Variants in ROBO1 observed in about 807,000 individuals in gnomAD.
ROBO1 encodes the protein roundabout homolog 1.
ROBO1 carries 149 observed loss-of-function variants against 195.9 expected under a neutral mutation model. The observed-to-expected ratio is 0.76, with a 90% CI of 0.67 to 0.87. The LOEUF is 0.87. ROBO1 is among the 40% of genes least tolerant of loss of function. ROBO1 has a pLI of 0.00. For missense variants in ROBO1, 1,933 were observed against 2,068.3 expected (o/e 0.93, Z 1.27); for synonymous variants, 816 against 733.2 (o/e 1.11, Z -1.82).
intron 2 of ROBO1, among the ~76,000 whole-genome samples, chr3:79,357,053 C>A (rs556231077): frequency 1.3e-5 from 2 of 152,262 alleles, no homozygotes; most frequent in East Asian, 1.9e-4. Flanking sequence ...TTTCTAGAAT[C>A]ATTACATTTA....
chr3:79,101,381 C>T (rs533460629), intron 3 of ROBO1, among the ~76,000 whole-genome samples: 1 of 151,738 alleles, frequency 6.6e-6, no homozygotes, highest in Non-Finnish European at 1.5e-5. Flanking sequence ...TCACTGTAAA[C>T]AAAATTTTAC....
At chr3:79,284,366 G>T (rs115903747) in intron 2 of ROBO1, among the ~76,000 whole-genome samples, 58 of 152,092 alleles carry the variant, frequency 3.8e-4, no homozygotes, top group African/African-American at 1.3e-3. Flanking sequence ...TAATTATAAA[G>T]AAACTATTCT....
chr3:78,989,077 G>A (rs1457562163), intron 3 of ROBO1, among the ~76,000 whole-genome samples: 1 of 152,060 alleles, frequency 6.6e-6, no homozygotes, highest in Non-Finnish European at 1.5e-5. Flanking sequence ...AATAAGTTCT[G>A]GCATTCTATA....
chr3:78,655,915 G>A (rs115409927), intron 18 of ROBO1, among the ~76,000 whole-genome samples: 3,132 of 152,232 alleles, frequency 0.021, 98 homozygotes, highest in African/African-American at 0.069. Flanking sequence ...ACATAAAGGT[G>A]CTATATGCTT....
chr3:79,046,925 T>A (rs887851676), intron 3 of ROBO1, among the ~76,000 whole-genome samples: 8 of 152,134 alleles, frequency 5.3e-5, no homozygotes, highest in Non-Finnish European at 1.2e-4. Flanking sequence ...ATTATTGAAT[T>A]ATTGAGATTA....
chr3:78,892,140 G>A (rs1423798553), intron 4 of ROBO1, among the ~76,000 whole-genome samples: 2 of 152,126 alleles, frequency 1.3e-5, no homozygotes, highest in African/African-American at 2.4e-5. Flanking sequence ...CAGGCAGATC[G>A]CTTGAGCTCA....
chr3:79,391,430 T>C (rs758116795), intron 2 of ROBO1, among the ~76,000 whole-genome samples: 1 of 152,134 alleles, frequency 6.6e-6, no homozygotes, highest in Non-Finnish European at 1.5e-5. Flanking sequence ...TGTACTCTAA[T>C]AAATAGTACA....
At chr3:79,148,737 A>T (rs1482904908) in intron 2 of ROBO1, among the ~76,000 whole-genome samples, 2 of 151,918 alleles carry the variant, frequency 1.3e-5, no homozygotes, top group Non-Finnish European at 2.9e-5. Flanking sequence ...TGAGACCTCA[A>T]AATCAATTCT....
intron 8 of ROBO1, among the ~76,000 whole-genome samples, chr3:78,704,760 T>C (rs1575976358): frequency 6.6e-6 from 1 of 151,870 alleles, no homozygotes; most frequent in East Asian, 1.9e-4. Flanking sequence ...GAGGATTGCT[T>C]CAGCCCAGGT....
chr3:79,395,042 G>A (rs1259778546), intron 2 of ROBO1, among the ~76,000 whole-genome samples: 4 of 151,916 alleles, frequency 2.6e-5, no homozygotes, highest in Non-Finnish European at 5.9e-5. Context: ...CAGTGAGACC[G>A]GCCGGGCGCG....
At chr3:79,313,079 C>A (rs1030165864) in intron 2 of ROBO1, among the ~76,000 whole-genome samples, 1 of 150,454 alleles carries the variant, frequency 6.6e-6, no homozygotes, top group Admixed American at 6.7e-5. Context: ...CCCAGCTACT[C>A]GGGAGGCTGA....
At chr3:78,806,356 G>A (rs553983677) in intron 4 of ROBO1, among the ~76,000 whole-genome samples, 2 of 152,156 alleles carry the variant, frequency 1.3e-5, no homozygotes, top group Non-Finnish European at 2.9e-5. Context: ...AGGTACCAGT[G>A]TCAGTGAAGG....
chr3:79,148,034 C>A (rs940386134), intron 2 of ROBO1, among the ~76,000 whole-genome samples: 3 of 151,806 alleles, frequency 2.0e-5, no homozygotes, highest in Non-Finnish European at 4.4e-5. Flanking sequence ...TCAGAAATAG[C>A]TTTTTTCTTT....
Position 78,883,911 on chromosome 3 carries a change from A to G in ROBO1, c.499+54690T>C, listed in dbSNP as rs182731582. ...TTCAGAGAATAAAAGGGCCAGCCCA[A>G]TGTTTCACTGCAAAGCTAGGATGGG... On this transcript the variant is annotated intron_variant, in intron 4 of 30. Coordinates refer to ENST00000464233, the MANE Select transcript of ROBO1 (RefSeq NM_002941.4). 3.9e-4 allele frequency among the ~76,000 whole-genome samples: 59 copies of G among 152,252 alleles called. No homozygotes were observed. The East Asian group carries it at 0.01, about 26-fold the overall frequency.
chr3:79,474,544 T>C (rs566875062), intron 2 of ROBO1, among the ~76,000 whole-genome samples: 1 of 152,234 alleles, frequency 6.6e-6, no homozygotes, highest in South Asian at 2.1e-4. Context: ...AAGTGCTCAT[T>C]GAATGTTAGG....
At chr3:78,609,371 T>A (rs2107314613) in intron 28 of ROBO1, among the ~76,000 whole-genome samples, 1 of 152,190 alleles carries the variant, frequency 6.6e-6, no homozygotes, top group African/African-American at 2.4e-5. Context: ...GGCTGTCAAG[T>A]CTCATAACTG....
intron 3 of ROBO1, among the ~76,000 whole-genome samples, chr3:78,984,807 A>G (rs1004573111): frequency 6.6e-6 from 1 of 152,174 alleles, no homozygotes; most frequent in African/African-American, 2.4e-5. Context: ...AAAGGTGTGA[A>G]TGTTAAATGG....
chr3:79,665,921 C>T (rs553416780), intron 1 of ROBO1, among the ~76,000 whole-genome samples: 4 of 151,740 alleles, frequency 2.6e-5, no homozygotes, highest in African/African-American at 4.8e-5. Context: ...AAAGATGATA[C>T]TTGTTTTAGA....
At chr3:78,966,923 C>T (rs1215282051) in intron 3 of ROBO1, among the ~76,000 whole-genome samples, 2 of 152,100 alleles carry the variant, frequency 1.3e-5, no homozygotes, top group South Asian at 2.1e-4. Context: ...TATTTGGTTA[C>T]ATATATCTAT....
Sources: gnomAD v4.1 joint callset for allele counts (sites outside exome capture counted in the v4.1 genomes callset) on GRCh38, gnomAD v4.1.1 for gene constraint, MANE v1.5 for transcripts, NCBI Gene and HGNC (gene_info 2026-07-23, HGNC 2026-07-21) for gene names.